The following ADAMTSL1 variants were observed in gnomAD, a reference collection of about 807,000 sequenced individuals.
The protein encoded by ADAMTSL1 is ADAMTS like 1.
In ADAMTSL1, 126 loss-of-function variants were observed where a neutral mutation model predicts 201.8. That is an observed-to-expected ratio of 0.62 (90% CI 0.54 to 0.72). The LOEUF (loss-of-function observed/expected upper bound fraction) is 0.72. ADAMTSL1 is among the 30% of genes least tolerant of loss of function. ADAMTSL1 has a pLI of 0.00. For missense variants in ADAMTSL1, 2,679 were observed against 2,277.8 expected (o/e 1.18, Z -3.59); for synonymous variants, 1,121 against 903.4 (o/e 1.24, Z -4.32).
chr9:18,403,726 C>T (rs542009493), intron 2 of ADAMTSL1, among the ~76,000 whole-genome samples: 1 of 152,258 alleles, frequency 6.6e-6, no homozygotes, highest in African/African-American at 2.4e-5. Flanking sequence ...ACTGTCTCCT[C>T]CATCTCATAT....
chr9:18,017,434 T>G (rs1820305490), intron 1 of ADAMTSL1, among the ~76,000 whole-genome samples: 3 of 151,950 alleles, frequency 2.0e-5, no homozygotes, highest in African/African-American at 7.2e-5. Context: ...CCCCCCAAAT[T>G]TGAGAAGCCT....
chr9:18,056,108 A>G (rs1243098788), intron 1 of ADAMTSL1, among the ~76,000 whole-genome samples: 3 of 151,430 alleles, frequency 2.0e-5, no homozygotes, highest in Non-Finnish European at 4.4e-5. Context: ...GGCCTTAGGA[A>G]CTGTTAGATT....
intron 1 of ADAMTSL1, among the ~76,000 whole-genome samples, chr9:18,030,047 G>A (rs1470831186): frequency 6.6e-6 from 1 of 151,600 alleles, no homozygotes; most frequent in Non-Finnish European, 1.5e-5. Flanking sequence ...CCATTACTGG[G>A]TATATACCCA....
intron 14 of ADAMTSL1, among the ~76,000 whole-genome samples, chr9:18,713,614 C>G (rs1832739911): frequency 6.6e-6 from 1 of 150,518 alleles, no homozygotes; most frequent in African/African-American, 2.4e-5. Flanking sequence ...CCTGAGTGAC[C>G]TACAAAGAGA....
intron 3 of ADAMTSL1, among the ~76,000 whole-genome samples, chr9:18,553,981 A>C (rs2132237270): frequency 6.6e-6 from 1 of 151,968 alleles, no homozygotes; most frequent in Admixed American, 6.6e-5. Context: ...TTCTCTATGT[A>C]ATTCACATTT....
At chr9:18,016,667 C>T (rs1230669534) in intron 1 of ADAMTSL1, among the ~76,000 whole-genome samples, 1 of 152,004 alleles carries the variant, frequency 6.6e-6, no homozygotes, top group East Asian at 1.9e-4. Flanking sequence ...GACTCAGTTA[C>T]ATTTTTAGAC....
chr9:18,833,462 T>C (rs1422870646), intron 23 of ADAMTSL1, among the ~76,000 whole-genome samples: 1 of 152,220 alleles, frequency 6.6e-6, no homozygotes, highest in East Asian at 1.9e-4. Flanking sequence ...ATCAGTGACG[T>C]TGAGTTTTTT....
At chr9:18,852,656 C>A (rs1048138055) in intron 23 of ADAMTSL1, among the ~76,000 whole-genome samples, 1 of 152,158 alleles carries the variant, frequency 6.6e-6, no homozygotes, top group South Asian at 2.1e-4. Flanking sequence ...AAAGGACTTT[C>A]GCCTACTAAG....
At chr9:18,446,040 A>G (rs979403653) in intron 2 of ADAMTSL1, among the ~76,000 whole-genome samples, 2 of 152,158 alleles carry the variant, frequency 1.3e-5, no homozygotes, top group Non-Finnish European at 2.9e-5. Flanking sequence ...GAAGCGATGG[A>G]CCCAGAGTTT....
chr9:18,763,310 G>A (rs1563777653), intron 16 of ADAMTSL1, among the ~76,000 whole-genome samples: 1 of 152,174 alleles, frequency 6.6e-6, no homozygotes, highest in Non-Finnish European at 1.5e-5. Context: ...CTTCTTTTGA[G>A]AGATGTCTAG....
intron 2 of ADAMTSL1, among the ~76,000 whole-genome samples, chr9:18,305,176 A>G (rs557158917): frequency 1.3e-5 from 2 of 152,338 alleles, no homozygotes; most frequent in East Asian, 3.9e-4. Flanking sequence ...ACTCTGGCCC[A>G]GATACTATGC....
Position 18,892,521 on chromosome 9 carries a change from C to T in ADAMTSL1, c.4776C>T (p.Val1592=), listed in dbSNP as rs754601711. The stretch of plus-strand genomic sequence containing the variant: ...TGTCCAATGACATGTGCACCCAGGT[C>T]GCCAAGCGGCCTGTGGACACCCAGG... The part of the protein sequence containing the change: ...TPVSNDMCTQ[V]AKRPVDTQAC... The change falls in exon 26 of 29, where the codon GTC becomes GTT. Residue 1592 remains valine (V), a synonymous_variant. Coordinates refer to ENST00000380548, the MANE Select transcript of ADAMTSL1 (RefSeq NM_001040272.6). 9.4e-6 allele frequency: 15 copies of T among 1,595,174 alleles called. No homozygotes were observed. Among genetic ancestry groups the T allele is most frequent in the Admixed American group, 1.8e-5 (1 of 57,044 alleles).
At chr9:18,399,280 CATATATATATATATATATATATAT>C (rs561622408) in intron 2 of ADAMTSL1, among the ~76,000 whole-genome samples, 582 of 31,006 alleles carry the variant, frequency 0.019, 36 homozygotes, top group African/African-American at 0.048. Context: ...GTCTGCTTTA[CATATATATATATATATATATATAT>C]ATATATATAT....
At chr9:18,319,136 A>G (rs1271990068) in intron 2 of ADAMTSL1, among the ~76,000 whole-genome samples, 1 of 152,134 alleles carries the variant, frequency 6.6e-6, no homozygotes, top group African/African-American at 2.4e-5. Context: ...ACTTGAGCCC[A>G]GGAGTTCAAA....
At chr9:18,082,327 C>T (rs141650939) in intron 1 of ADAMTSL1, among the ~76,000 whole-genome samples, 11 of 152,190 alleles carry the variant, frequency 7.2e-5, no homozygotes, top group African/African-American at 1.9e-4. Context: ...ATAGATTAAA[C>T]GACCATTTTT....
intron 2 of ADAMTSL1, among the ~76,000 whole-genome samples, chr9:18,380,932 A>G (rs1837532455): frequency 6.6e-6 from 1 of 152,204 alleles, no homozygotes; most frequent in African/African-American, 2.4e-5. Flanking sequence ...TGAAGGAGCT[A>G]CAGACATCCC....
chr9:18,299,023 ATAAT>A (rs1427374185), intron 2 of ADAMTSL1, among the ~76,000 whole-genome samples: 2 of 131,786 alleles, frequency 1.5e-5, no homozygotes, highest in African/African-American at 5.3e-5. Context: ...AAAAAAAAAA[ATAAT>A]AATAATAATA....
At chr9:18,674,381 T>C (rs577354854) in intron 9 of ADAMTSL1, among the ~76,000 whole-genome samples, 6 of 152,264 alleles carry the variant, frequency 3.9e-5, no homozygotes, top group African/African-American at 1.4e-4. Flanking sequence ...TTGTTTCCTA[T>C]TTTTTAAATA....
intron 3 of ADAMTSL1, among the ~76,000 whole-genome samples, chr9:18,539,806 T>C (rs1475953529): frequency 6.6e-6 from 1 of 152,208 alleles, no homozygotes; most frequent in African/African-American, 2.4e-5. Context: ...GTTATATGCA[T>C]TGTTTTTTCA....
Sources: gnomAD v4.1 joint callset for allele counts (sites outside exome capture counted in the v4.1 genomes callset) on GRCh38, gnomAD v4.1.1 for gene constraint, MANE v1.5 for transcripts, NCBI Gene and HGNC (gene_info 2026-07-23, HGNC 2026-07-21) for gene names.